MUCL1: variants seen among roughly 807,000 people sequenced by gnomAD.
MUCL1 encodes mucin-like protein 1.
Under a neutral mutation model 9.2 loss-of-function variants are expected in MUCL1, and 11 were observed. The ratio of observed to expected loss-of-function variants is 1.19; its 90% CI spans 0.75 to 1.97. The LOEUF is 1.97. MUCL1 is among the 30% of genes most tolerant of loss of function. The pLI, the probability that MUCL1 is intolerant of heterozygous loss-of-function variation, is 0.00. For synonymous variants in MUCL1, 48 were observed against 40.5 expected, an observed-to-expected ratio of 1.19 and a Z score of -0.71; for missense variants, 144 against 110.9, an observed-to-expected ratio of 1.30 and a Z score of -1.34.
upstream of MUCL1, among the ~76,000 whole-genome samples, chr12:54,853,604 A>G (rs572259617): frequency 6.6e-6 from 1 of 152,190 alleles, no homozygotes; most frequent in Non-Finnish European, 1.5e-5. Flanking sequence ...TTTTTTGGTC[A>G]CCTTATATAA....
At chr12:54,847,661 A>G (rs1797984692) in intron 1 of MUCL1, among the ~76,000 whole-genome samples, 1 of 152,182 alleles carries the variant, frequency 6.6e-6, no homozygotes, top group Non-Finnish European at 1.5e-5. Flanking sequence ...AAAGAAAGAA[A>G]GAGACAAGCA....
upstream of MUCL1, among the ~76,000 whole-genome samples, chr12:54,835,478 T>C (rs938228667): frequency 6.6e-6 from 1 of 152,218 alleles, no homozygotes; most frequent in Admixed American, 6.6e-5. Flanking sequence ...TGTCTCATTG[T>C]AGTTTTAATT....
upstream of MUCL1, among the ~76,000 whole-genome samples, chr12:54,835,386 A>G (rs998420220): frequency 6.6e-6 from 1 of 151,774 alleles, no homozygotes. Flanking sequence ...GTGTGTAAGC[A>G]TCCCCTTTTC....
chr12:54,857,970 A>G (rs1192890605), intron 3 of MUCL1, among the ~76,000 whole-genome samples: 3 of 152,156 alleles, frequency 2.0e-5, no homozygotes, highest in Non-Finnish European at 4.4e-5. Context: ...AGTTCTCTCT[A>G]AAGTTCCAAC....
At chr12:54,853,610 T>C (rs748814495), upstream of MUCL1, among the ~76,000 whole-genome samples, 7 of 152,206 alleles carry the variant, frequency 4.6e-5, no homozygotes, top group African/African-American at 7.2e-5. Flanking sequence ...GGTCACCTTA[T>C]ATAAAATTGC....
At chr12:54,831,059 G>A (rs1264337797) in intron 1 of MUCL1, among the ~76,000 whole-genome samples, 1 of 152,162 alleles carries the variant, frequency 6.6e-6, no homozygotes, top group Non-Finnish European at 1.5e-5. Flanking sequence ...GAAGAAAGGT[G>A]AGAGGCAATT....
rs377294224 is a variant in MUCL1, at chr12:54,833,738, G to A, written n.357+2863G>A. On this transcript the variant is annotated intron_variant and non_coding_transcript_variant, in intron 1 of 3. Transcript: ENST00000547990. Reference sequence around the variant, plus strand: ...TTGCAAGGACAAAAAACCAAACACCGCATGTTCTCACTCATAGAGGGGAAT... The same window carrying A: ...TTGCAAGGACAAAAAACCAAACACCACATGTTCTCACTCATAGAGGGGAAT... Among the ~76,000 whole-genome samples the A allele has an allele frequency of 9.9e-4, 148 of 149,246 alleles. 3 individuals carry two copies. The highest frequency in any genetic ancestry group is 2.4e-3 in the East Asian group (12 of 5,020).
upstream of MUCL1, chr12:54,854,515 C>T: frequency 7.7e-7 from 1 of 1,294,362 alleles, no homozygotes; most frequent in Non-Finnish European, 1.1e-6. Flanking sequence ...ATCCTGAAGT[C>T]AGCGCCTTGC....
intron 3 of MUCL1, among the ~76,000 whole-genome samples, chr12:54,857,743 G>T (rs886912895): frequency 1.3e-5 from 2 of 152,094 alleles, no homozygotes; most frequent in Admixed American, 6.6e-5. Flanking sequence ...CGGGCAGAAA[G>T]AAAAAGGATT....
At chr12:54,855,700 G>C (rs1419927616) in intron 2 of MUCL1, among the ~76,000 whole-genome samples, 2 of 152,210 alleles carry the variant, frequency 1.3e-5, no homozygotes, top group Non-Finnish European at 2.9e-5. Context: ...GAAGGTGGTA[G>C]ACCAAAGCCT....
chr12:54,845,034 C>A (rs1959236474), intron 1 of MUCL1, among the ~76,000 whole-genome samples: 1 of 152,144 alleles, frequency 6.6e-6, no homozygotes. Flanking sequence ...AGGTAGAAAT[C>A]ATTTGGAGGA....
chr12:54,853,867 T>C (rs1458114319), upstream of MUCL1, among the ~76,000 whole-genome samples: 3 of 152,210 alleles, frequency 2.0e-5, no homozygotes, highest in African/African-American at 7.2e-5. Flanking sequence ...AAAAATTGAT[T>C]AAATGGATGC....
At chr12:54,836,671 T>C (rs537468647), upstream of MUCL1, among the ~76,000 whole-genome samples, 2 of 152,196 alleles carry the variant, frequency 1.3e-5, no homozygotes, top group African/African-American at 4.8e-5. Flanking sequence ...AGTGTGATGT[T>C]AGGTTGTCAA....
intron 1 of MUCL1, among the ~76,000 whole-genome samples, chr12:54,848,390 TAA>T (rs921673446): frequency 1.3e-5 from 2 of 152,184 alleles, no homozygotes; most frequent in African/African-American, 4.8e-5. Context: ...GGAAGAATAT[TAA>T]GTTATCACAG....
upstream of MUCL1, among the ~76,000 whole-genome samples, chr12:54,836,081 G>C (rs1959192699): frequency 6.6e-6 from 1 of 152,100 alleles, no homozygotes; most frequent in Non-Finnish European, 1.5e-5. Flanking sequence ...TTTGGTATCA[G>C]GGCATACTGG....
upstream of MUCL1, among the ~76,000 whole-genome samples, chr12:54,849,717 C>T (rs1036245696): frequency 6.6e-6 from 1 of 151,966 alleles, no homozygotes; most frequent in Non-Finnish European, 1.5e-5. Flanking sequence ...ATATATAATG[C>T]TGTTCATTTT....
upstream of MUCL1, among the ~76,000 whole-genome samples, chr12:54,853,922 T>C (rs1868276821): frequency 6.6e-6 from 1 of 152,236 alleles, no homozygotes; most frequent in Non-Finnish European, 1.5e-5. Flanking sequence ...TACTCCTTGA[T>C]TTTGAATTTT....
rs1188507236 is a variant in MUCL1, at chr12:54,858,192, G to A, written c.224-1G>A. On this transcript the variant is annotated splice_acceptor_variant, in intron 3 of 3. Coordinates refer to ENST00000308796, the MANE Select transcript of MUCL1 (RefSeq NM_058173.3). LOFTEE classifies it high-confidence loss of function. ...CTTGACAATATTTTTTTCTCTTGCA[G>A]TTTTACCCAAATGGGTTGGGGATCT... 6.2e-7 allele frequency: 1 copy of A among 1,613,300 alleles called. No homozygotes were observed. The highest frequency in any genetic ancestry group is 1.3e-5 in the African/African-American group (1 of 74,940).
At chr12:54,853,010 A>G (rs1868266912), upstream of MUCL1, among the ~76,000 whole-genome samples, 1 of 151,910 alleles carries the variant, frequency 6.6e-6, no homozygotes, top group African/African-American at 2.4e-5. Context: ...GTTGAAGACC[A>G]CTCCCTCAAG....
Sources: gnomAD v4.1 joint callset for allele counts (sites outside exome capture counted in the v4.1 genomes callset) on GRCh38, gnomAD v4.1.1 for gene constraint, MANE v1.5 for transcripts, NCBI Gene and HGNC (gene_info 2026-07-23, HGNC 2026-07-21) for gene names.